The following AVL9 variants were observed in gnomAD, a reference collection of about 807,000 sequenced individuals.
AVL9 encodes the protein late secretory pathway protein AVL9 homolog.
In AVL9, 49 loss-of-function variants were observed where a neutral mutation model predicts 79.2. The ratio of observed to expected loss-of-function variants is 0.62; its 90% confidence interval spans 0.49 to 0.79. AVL9 has a LOEUF of 0.79. AVL9 is among the 30% of genes least tolerant of loss of function. The pLI, the probability that AVL9 is intolerant of heterozygous loss-of-function variation, is 0.00. For missense variants in AVL9, 682 were observed against 776.8 expected (o/e 0.88, Z 1.45); for synonymous variants, 299 against 280.6 (o/e 1.07, Z -0.65).
At chr7:32,564,654 A>T (rs1329694909) in intron 10 of AVL9, among the ~76,000 whole-genome samples, 1 of 152,186 alleles carries the variant, frequency 6.6e-6, no homozygotes, top group Non-Finnish European at 1.5e-5. Context: ...GATGCCTTTC[A>T]TGTCAGTTTC....
At chr7:32,530,324 G>C (rs7802970) in intron 1 of AVL9, among the ~76,000 whole-genome samples, 50,720 of 152,020 alleles carry the variant, frequency 0.33, 8,710 homozygotes, top group South Asian at 0.44. Flanking sequence ...ATTTGATGCT[G>C]TCTAGCTTTA....
intron 4 of AVL9, 52 bp from the exon 5 acceptor site, chr7:32,551,282 A>T: frequency 1.7e-6 from 2 of 1,177,832 alleles, no homozygotes; most frequent in Non-Finnish European, 2.5e-6. Flanking sequence ...AACCAATTTT[A>T]CTGTTATCAA....
chr7:32,551,581 G>GC (rs1326751385), intron 5 of AVL9, among the ~76,000 whole-genome samples, 158 bp downstream of exon 5: 1 of 127,378 alleles, frequency 7.9e-6, no homozygotes, highest in Admixed American at 8.6e-5. Flanking sequence ...CTAGGAATCT[G>GC]CCCAAATACT....
chr7:32,502,409 A>AAAAAGAAG (rs57031114), intron 1 of AVL9, among the ~76,000 whole-genome samples: 1 of 149,756 alleles, frequency 6.7e-6, no homozygotes, highest in Non-Finnish European at 1.5e-5. Context: ...AAAAAAAAAA[A>AAAAAGAAG]GAAAGAAAAG....
rs1597554 is a variant in AVL9 at position 32,507,429 on chromosome 7, C to T, written c.93+11627C>T. Reference sequence around the variant, plus strand: ...CTTTCCTACTTTTCTTTTTCCTCAACGCTAACCACCCTCTCCACTTGTAAC... The same window carrying T: ...CTTTCCTACTTTTCTTTTTCCTCAATGCTAACCACCCTCTCCACTTGTAAC... On this transcript the variant is annotated intron_variant, in intron 1 of 15. Coordinates refer to ENST00000318709, the MANE Select transcript of AVL9 (RefSeq NM_015060.3). 7.1e-3 allele frequency among the ~76,000 whole-genome samples: 1,087 copies of T among 152,272 alleles called. 14 individuals are homozygous for T. Among genetic ancestry groups the T allele is most frequent in the African/African-American group, 0.024 (1,015 of 41,552 alleles).
At chr7:32,518,236 T>C (rs1200299286) in intron 1 of AVL9, among the ~76,000 whole-genome samples, 1 of 152,224 alleles carries the variant, frequency 6.6e-6, no homozygotes, top group Non-Finnish European at 1.5e-5. Context: ...TTAAGTTTCT[T>C]ACTTAGGTAA....
chr7:32,500,770 T>C (rs1016510846), intron 1 of AVL9, among the ~76,000 whole-genome samples: 3 of 152,128 alleles, frequency 2.0e-5, no homozygotes, highest in African/African-American at 7.2e-5. Context: ...ATCCATCCTC[T>C]GTTAATTTTT....
chr7:32,508,095 G>A (rs1284396577), intron 1 of AVL9, among the ~76,000 whole-genome samples: 1 of 152,058 alleles, frequency 6.6e-6, no homozygotes, highest in Non-Finnish European at 1.5e-5. Flanking sequence ...ATTTGTTGAA[G>A]TTCTTTTTAT....
chr7:32,534,047 G>A (rs1025583709), intron 1 of AVL9: 1 of 152,184 alleles, frequency 6.6e-6, no homozygotes, highest in African/African-American at 2.4e-5. Context: ...CACCAATTTG[G>A]TTTATAAACT....
intron 10 of AVL9, 106 bp from the exon 11 acceptor site, chr7:32,569,914 G>A (rs766524146): frequency 7.4e-6 from 8 of 1,085,512 alleles, no homozygotes; most frequent in Non-Finnish European, 1.1e-5. Flanking sequence ...TACAGACAGG[G>A]CAAGGAAGAA....
In AVL9 at chr7:32,512,564, C is replaced by T. The variant is rs186252540; in HGVS notation, c.93+16762C>T. The stretch of plus-strand genomic sequence containing the variant: ...CTCCTCCTGTGTCTCTGGACAGGAT[C>T]TTGTAGGAGGAGCTTAAGAGCAGAA... On this transcript the variant is annotated intron_variant, in intron 1 of 15. Transcript: ENST00000318709. Among the ~76,000 whole-genome samples the T allele has an allele frequency of 3.9e-3, 601 of 152,266 alleles. 8 individuals carry two copies. Among genetic ancestry groups the T allele is most frequent in the Non-Finnish European group, 3.1e-3 (209 of 68,022 alleles).
chr7:32,566,279 C>T (rs1208755585), intron 10 of AVL9, among the ~76,000 whole-genome samples: 6 of 147,296 alleles, frequency 4.1e-5, no homozygotes, highest in Non-Finnish European at 6.0e-5. Context: ...TGTGCTCAAG[C>T]GATCCTCCCA....
chr7:32,566,447 G>C (rs1790571249), intron 10 of AVL9, among the ~76,000 whole-genome samples: 1 of 107,006 alleles, frequency 9.3e-6, no homozygotes, highest in South Asian at 3.8e-4. Context: ...GGGACTACAG[G>C]TGTGAGCCAC....
chr7:32,517,995 T>G (rs1787983206), intron 1 of AVL9, among the ~76,000 whole-genome samples: 1 of 152,132 alleles, frequency 6.6e-6, no homozygotes, highest in Non-Finnish European at 1.5e-5. Flanking sequence ...CATGCCTGGC[T>G]AATTTTTTTA....
chr7:32,574,723 C>CTTGCTTATCCATCTG (rs11269730), intron 12 of AVL9, among the ~76,000 whole-genome samples: 127,361 of 151,932 alleles, frequency 0.84, 53,422 homozygotes, highest in Middle Eastern at 0.88. Context: ...CACAGAGGTT[C>CTTGCTTATCCATCTG]ATAAGAGGCT....
At chr7:32,569,777 A>G (rs750643301) in intron 10 of AVL9, among the ~76,000 whole-genome samples, 3 of 152,234 alleles carry the variant, frequency 2.0e-5, no homozygotes, top group Non-Finnish European at 4.4e-5. Flanking sequence ...CAACCTTCAT[A>G]TTAAACCACC....
rs1790231733 is a variant in AVL9 at position 32,559,349 on chromosome 7, G to A, written c.1100G>A (p.Ser367Asn). ...LFPKDSVPSE[S>N]LPITVQPQAN... ...CCAAAGGACTCTGTCCCCTCAGAGA[G>A]TCTTCCAATTACTGTACAACCTCAA... Residue 367 changes from serine to asparagine, a missense_variant, in exon 10 of 16, where the codon AGT becomes AAT. Transcript: ENST00000318709. The A allele has an allele frequency of 4.3e-6, 7 of 1,614,006 alleles. No homozygotes were observed. Among genetic ancestry groups the A allele is most frequent in the Non-Finnish European group, 5.9e-6 (7 of 1,180,036 alleles).
At chr7:32,566,810 G>C (rs1790599855) in intron 10 of AVL9, among the ~76,000 whole-genome samples, 1 of 152,286 alleles carries the variant, frequency 6.6e-6, no homozygotes, top group Admixed American at 6.5e-5. Context: ...ATGAACCCGG[G>C]AGGCGGAGCT....
chr7:32,580,930 A>G (rs1247942316), intron 15 of AVL9, 40 bp downstream of exon 15: 3 of 1,416,348 alleles, frequency 2.1e-6, no homozygotes, highest in South Asian at 2.4e-5. Context: ...TGGAATCACA[A>G]CACATCCATT....
Sources: gnomAD v4.1 joint callset for allele counts (sites outside exome capture counted in the v4.1 genomes callset) on GRCh38, gnomAD v4.1.1 for gene constraint, MANE v1.5 for transcripts, NCBI Gene and HGNC (gene_info 2026-07-23, HGNC 2026-07-21) for gene names.